Variants in ATAD3C observed in about 807,000 individuals in gnomAD.
ATAD3C encodes the protein ATPase family AAA domain-containing protein 3C.
In ATAD3C, 38 loss-of-function variants were observed where a neutral mutation model predicts 46.3. The observed-to-expected ratio is 0.82, with a 90% CI of 0.63 to 1.08. ATAD3C has a LOEUF of 1.08. Ranked by LOEUF, ATAD3C falls within the 50% of genes least tolerant of loss-of-function variation. The probability of loss-of-function intolerance (pLI) is 0.00; values close to 1 mark genes in which losing one functional copy is unlikely to be tolerated. For missense variants in ATAD3C, 563 were observed against 572.7 expected, an observed-to-expected ratio of 0.98 and a Z score of 0.17; for synonymous variants, 220 against 236.4, an observed-to-expected ratio of 0.93 and a Z score of 0.63.
At chr1:1,457,532 C>A (rs1256529697) in intron 8 of ATAD3C, among the ~76,000 whole-genome samples, 1 of 134,798 alleles carries the variant, frequency 7.4e-6, no homozygotes, top group African/African-American at 2.9e-5. Flanking sequence ...GGAGGCGAAG[C>A]TTGCAGTGAG....
chr1:1,455,203 T>G (rs1227958871), intron 4 of ATAD3C, among the ~76,000 whole-genome samples: 7 of 107,892 alleles, frequency 6.5e-5, no homozygotes, highest in African/African-American at 2.8e-4. Context: ...GGCGACAGAG[T>G]GAGACTCCGT....
intron 11 of ATAD3C, among the ~76,000 whole-genome samples, chr1:1,467,494 G>A (rs1486357392): frequency 6.6e-6 from 1 of 152,082 alleles, no homozygotes; most frequent in Non-Finnish European, 1.5e-5. Context: ...TGGCAGAGGG[G>A]ACGGGCACCA....
rs1639048344 is a variant in ATAD3C at position 1,460,843 on chromosome 1, G to A, written c.906G>A (p.Gly302=). 6.2e-7 allele frequency: 1 copy of A among 1,613,152 alleles called. No individual in the cohort carries two copies. The highest frequency in any genetic ancestry group is 1.7e-5 in the Admixed American group (1 of 59,944). ...TGATGGTCCACTTCGACCTGCCAGG[G>A]CAGGAGGAGCGGGCGCGCCTGGTGA... ...IDVMVHFDLP[G]QEERARLVRM... is the part of the protein sequence containing the mutation. Residue 302 remains glycine (G), a synonymous_variant, in exon 10 of 12, where the codon GGG becomes GGA. Transcript: ENST00000378785.
Position 1,462,813 on chromosome 1 carries a change from G to A in ATAD3C, c.1089+105G>A, listed in dbSNP as rs1639090870. On this transcript the variant is annotated intron_variant, in intron 11 of 11. Coordinates refer to ENST00000378785, the MANE Select transcript of ATAD3C (RefSeq NM_001039211.3). The surrounding 1 kb of genome is among the most constrained non-coding windows in gnomAD (Gnocchi z 4.5). ...GCACCGGTGTCACGTGGGAGCTTCT[G>A]TTGAGGGGTTTTCAGTGCACAGATG... 1.0e-5 allele frequency: 14 copies of A among 1,365,772 alleles called. No individual in the cohort carries two copies. The South Asian group carries it at 1.9e-4, about 18-fold the overall frequency. 84.6% of individuals were successfully genotyped at this position (1,365,772 alleles called of 1,614,324 possible). A position where few individuals can be genotyped will look rare whatever the true frequency, so the allele number is the denominator to read the frequency against.
chr1:1,464,626 C>T (rs1345947491), intron 11 of ATAD3C, among the ~76,000 whole-genome samples: 1 of 151,628 alleles, frequency 6.6e-6, no homozygotes, highest in East Asian at 1.9e-4. Flanking sequence ...CGAAACTTAG[C>T]TGGGCGTGGT....
chr1:1,463,819 G>A (rs549474087), intron 11 of ATAD3C, among the ~76,000 whole-genome samples: 135 of 152,020 alleles, frequency 8.9e-4, no homozygotes, highest in African/African-American at 3.0e-3. Context: ...GGCTGAGGTG[G>A]GAGGATCACT....
rs183923011 is a variant in ATAD3C at position 1,451,278 on chromosome 1, C to T, written c.75+520C>T. Among the ~76,000 whole-genome samples, 655 of 151,894 alleles carry T rather than the reference C, an allele frequency of 4.3e-3. 3 individuals carry two copies. The highest frequency in any genetic ancestry group is 0.015 in the African/African-American group (629 of 41,452). On this transcript the variant is annotated intron_variant, in intron 1 of 11. Coordinates refer to ENST00000378785, the MANE Select transcript of ATAD3C (RefSeq NM_001039211.3). Reference sequence around the variant, plus strand: ...AGGATGGTGTCGATTTCCTGATCTCCGCCTGCCTCAGCCTCCCAAAGTGCT... The same window carrying T: ...AGGATGGTGTCGATTTCCTGATCTCTGCCTGCCTCAGCCTCCCAAAGTGCT...
intron 11 of ATAD3C, among the ~76,000 whole-genome samples, chr1:1,464,182 G>A (rs1008984676): frequency 1.3e-5 from 2 of 148,784 alleles, no homozygotes; most frequent in African/African-American, 5.0e-5. Context: ...ACTTCAGCCT[G>A]AGCAACAGAG....
At chr1:1,467,054 C>T (rs1215406185) in intron 11 of ATAD3C, among the ~76,000 whole-genome samples, 1 of 151,998 alleles carries the variant, frequency 6.6e-6, no homozygotes, top group East Asian at 1.9e-4. Context: ...ACAGAGACTT[C>T]CTGGGCCTGG....
rs1557775048 is a variant in ATAD3C at position 1,449,927 on chromosome 1, G to T, written c.-757G>T. On this transcript the variant is annotated 5_prime_UTR_variant, in exon 1 of 12. Coordinates refer to ENST00000378785, the MANE Select transcript of ATAD3C (RefSeq NM_001039211.3). Reference sequence around the variant, plus strand: ...TAACTGAGGACGTTGTCAGATGCTTGTCCTCGTCACCCTGAGCTTGTTGGC... The same window carrying T: ...TAACTGAGGACGTTGTCAGATGCTTTTCCTCGTCACCCTGAGCTTGTTGGC... 1 of 152,146 alleles carries T rather than the reference G, an allele frequency of 6.6e-6. No individual in the cohort carries two copies. The highest frequency in any genetic ancestry group is 1.9e-4 in the East Asian group (1 of 5,192). 9.4% of individuals were successfully genotyped at this position (152,146 alleles called of 1,614,324 possible).
chr1:1,468,689 C>T lies in ATAD3C; in HGVS notation c.*159C>T, dbSNP rs756233521. The T allele has an allele frequency of 1.5e-6, 2 of 1,344,284 alleles. No homozygotes were observed. Among genetic ancestry groups the T allele is most frequent in the Non-Finnish European group, 1.0e-6 (1 of 977,396 alleles). The allele number at this position is 1,344,284 out of a possible 1,614,324, so 83.3% of individuals were successfully genotyped here. On this transcript the variant is annotated 3_prime_UTR_variant, in exon 12 of 12. Transcript: ENST00000378785. ...GACACGGGGCGGGGTTTGGGGCCCC[C>T]TAACGTCCCCCTGGGGTCAAAGGTG... is the stretch of plus-strand genomic sequence containing the variant.
intron 8 of ATAD3C, among the ~76,000 whole-genome samples, chr1:1,458,559 C>T (rs1384025953): frequency 1.3e-5 from 2 of 151,652 alleles, no homozygotes; most frequent in East Asian, 1.9e-4. Context: ...GGATTACAGG[C>T]GTGAGCCACC....
At chr1:1,452,251 C>A (rs1638873328) in intron 2 of ATAD3C, 114 bp from the exon 3 acceptor site, 5 of 1,583,930 alleles carry the variant, frequency 3.2e-6, no homozygotes, top group Non-Finnish European at 8.6e-7. Context: ...GGGACACTGC[C>A]CCCCTGTCCT....
At position 1,462,388 on chromosome 1, in the gene ATAD3C, G is replaced by A. The variant is rs576514113; in HGVS notation, c.981-212G>A. 3.7e-5 allele frequency: 19 copies of A among 509,438 alleles called. No homozygotes were observed. The highest frequency in any genetic ancestry group is 9.9e-5 in the Admixed American group (3 of 30,438). The allele number at this position is 509,438 out of a possible 1,614,324, so 31.6% of individuals were successfully genotyped here. The stretch of plus-strand genomic sequence containing the variant: ...CAGGGCTGGTGTTAGGAAGGGGTGC[G>A]GCCATCTCCAGGCCCCACAGCCGCC... On this transcript the variant is annotated intron_variant, in intron 10 of 11. Coordinates refer to ENST00000378785, the MANE Select transcript of ATAD3C (RefSeq NM_001039211.3). This position sits in a 1 kb window ranked among gnomAD's most constrained non-coding sequence, Gnocchi z 4.5.
At position 1,468,565 on chromosome 1, in the gene ATAD3C, C is replaced by T. The variant is rs1294095862; in HGVS notation, c.*35C>T. On this transcript the variant is annotated 3_prime_UTR_variant, in exon 12 of 12. Transcript: ENST00000378785. ...GAGACCACACCTCACGGAGCCTGGC[C>T]GCGGACCCCTCCCACCCCTGCCTTT... The T allele has an allele frequency of 3.8e-6, 6 of 1,587,544 alleles. No homozygotes were observed. Among genetic ancestry groups the T allele is most frequent in the East Asian group, 2.3e-5 (1 of 43,996 alleles).
At position 1,455,923 on chromosome 1, in the gene ATAD3C, G is replaced by C; in HGVS notation, c.564+7G>C. The C allele has an allele frequency of 6.2e-7, 1 of 1,613,012 alleles. No individual in the cohort carries two copies. Among genetic ancestry groups the C allele is most frequent in the Non-Finnish European group, 8.5e-7 (1 of 1,179,676 alleles). On this transcript the variant is annotated splice_region_variant and intron_variant, in intron 6 of 11. Coordinates refer to ENST00000378785, the MANE Select transcript of ATAD3C (RefSeq NM_001039211.3). ...GAAGACGCTGTTTGCCAAGGTGAGA[G>C]TGCCTAGCTGAACAGGTGGGCCAGG...
chr1:1,453,952 T>C (rs1638906215), intron 3 of ATAD3C, among the ~76,000 whole-genome samples: 1 of 151,982 alleles, frequency 6.6e-6, no homozygotes, highest in Admixed American at 6.6e-5. Context: ...GCCTAATTGA[T>C]TTTTAAAACG....
chr1:1,467,773 G>T (rs1383298139), intron 11 of ATAD3C, among the ~76,000 whole-genome samples: 1 of 152,082 alleles, frequency 6.6e-6, no homozygotes, highest in Non-Finnish European at 1.5e-5. Context: ...CATGCCCTTT[G>T]CTGGCATTGG....
Position 1,452,123 on chromosome 1 carries a change from G to A in ATAD3C, c.152+1G>A, listed in dbSNP as rs764542022. 96 of 1,613,210 alleles carry A rather than the reference G, an allele frequency of 6.0e-5. 3 individuals are homozygous for A. In the Admixed American group the frequency reaches 9.7e-4, roughly 16 times the overall value. On this transcript the variant is annotated splice_donor_variant, in intron 2 of 11. Transcript: ENST00000378785. LOFTEE classifies it high-confidence loss of function. ...ATCAGACCTTCTTGGAGTCCATCAG[G>A]TGAGCGCTGCCGAGGCCCGGGCCGG... is the stretch of plus-strand genomic sequence containing the variant.
Sources: allele counts gnomAD v4.1 joint callset (sites outside exome capture counted in the v4.1 genomes callset), GRCh38; gene constraint gnomAD v4.1.1; non-coding constraint Gnocchi (gnomAD v3.1); transcripts MANE v1.5; gene names NCBI Gene and HGNC (gene_info 2026-07-23, HGNC 2026-07-21).